Variants in EBF3 observed in about 807,000 individuals in gnomAD.
The protein encoded by EBF3 is transcription factor COE3.
EBF3 carries 18 observed loss-of-function variants against 77.1 expected under a neutral mutation model. The ratio of observed to expected loss-of-function variants is 0.23; its 90% CI spans 0.16 to 0.35. The LOEUF (loss-of-function observed/expected upper bound fraction) is 0.35, where lower values mean the gene tolerates loss of function less well. Ranked by LOEUF, EBF3 falls within the 10% of genes least tolerant of loss-of-function variation. The pLI is 1.00. For synonymous variants in EBF3, 350 were observed against 343.5 expected (o/e 1.02, Z -0.21); for missense variants, 558 against 860.0 (o/e 0.65, Z 4.39).
rs187026865 is a variant in EBF3 at position 129,861,591 on chromosome 10, A to G, written c.1039+5550T>C. Among the ~76,000 whole-genome samples the G allele has an allele frequency of 2.8e-3, 433 of 152,142 alleles. 2 individuals carry two copies. Among genetic ancestry groups the G allele is most frequent in the African/African-American group, 9.9e-3 (413 of 41,520 alleles). ...ATGGGGGGGACACAGACATCCTTGG[A>G]CACCATTGACTGGTAGGTTTGAAGC... is the stretch of plus-strand genomic sequence containing the variant. On this transcript the variant is annotated intron_variant, in intron 10 of 16. Coordinates refer to ENST00000440978, the MANE Select transcript of EBF3 (RefSeq NM_001375380.1). This position sits in a 1 kb window ranked among gnomAD's most constrained non-coding sequence, Gnocchi z 4.3.
At chr10:129,911,542 G>A (rs1019570565) in intron 6 of EBF3, among the ~76,000 whole-genome samples, 1 of 152,102 alleles carries the variant, frequency 6.6e-6, no homozygotes, top group Non-Finnish European at 1.5e-5. Flanking sequence ...GCTTGGAATA[G>A]TGTCCAAAAG....
chr10:129,920,464 C>T (rs114692678), intron 6 of EBF3, among the ~76,000 whole-genome samples: 2,729 of 152,300 alleles, frequency 0.018, 86 homozygotes, highest in African/African-American at 0.063. Flanking sequence ...AGGGCGGGGG[C>T]GGCACAGCAT....
At chr10:129,951,615 C>G (rs1858686906) in intron 6 of EBF3, among the ~76,000 whole-genome samples, 1 of 152,236 alleles carries the variant, frequency 6.6e-6, no homozygotes, top group South Asian at 2.1e-4. Context: ...GAGTCTTTAC[C>G]CAGCTCAGGC....
chr10:129,904,049 G>C (rs1854968528), intron 6 of EBF3, among the ~76,000 whole-genome samples: 2 of 152,164 alleles, frequency 1.3e-5, no homozygotes, highest in Admixed American at 6.5e-5. Flanking sequence ...CCTTCAGCTG[G>C]TTCAGGATAA....
At chr10:129,875,283 G>A (rs1208876209) in intron 7 of EBF3, among the ~76,000 whole-genome samples, 1 of 131,146 alleles carries the variant, frequency 7.6e-6, no homozygotes, top group Non-Finnish European at 1.5e-5. Flanking sequence ...CCCAACCTCC[G>A]CCTCCTGGGT....
chr10:129,918,619 G>T (rs533499853), intron 6 of EBF3, among the ~76,000 whole-genome samples: 104 of 152,288 alleles, frequency 6.8e-4, no homozygotes, highest in South Asian at 4.4e-3. Context: ...GTTGTTTAAC[G>T]ATGATCAGGG....
intron 10 of EBF3, among the ~76,000 whole-genome samples, chr10:129,850,530 T>G (rs958054035): frequency 6.6e-6 from 1 of 152,196 alleles, no homozygotes; most frequent in African/African-American, 2.4e-5. Flanking sequence ...GAGGCGTAAT[T>G]GTGCACTGTG....
intron 6 of EBF3, among the ~76,000 whole-genome samples, chr10:129,953,085 C>T (rs1284052344): frequency 6.8e-6 from 1 of 147,074 alleles, no homozygotes; most frequent in Admixed American, 6.7e-5. Flanking sequence ...AGAAGAAAGA[C>T]AGAAAAAAAA....
chr10:129,880,828 G>C (rs1356562969), intron 6 of EBF3, among the ~76,000 whole-genome samples: 2 of 152,214 alleles, frequency 1.3e-5, no homozygotes, highest in Non-Finnish European at 2.9e-5. Flanking sequence ...CTGAGTTGGG[G>C]ATTCAATTAA....
In EBF3 at chr10:129,837,836, T is replaced by A. The variant is rs918968846; in HGVS notation, c.*107A>T. On this transcript the variant is annotated 3_prime_UTR_variant, in exon 17 of 17. Transcript: ENST00000440978. ...CAATTGCTGCTGATTTTTTTGAAGA[T>A]ACTGTTTCCATCAGCATGTCTTAAT... is the stretch of plus-strand genomic sequence containing the variant. 3.4e-6 allele frequency: 5 copies of A among 1,458,982 alleles called. No individual in the cohort carries two copies. Among genetic ancestry groups the A allele is most frequent in the Non-Finnish European group, 4.8e-6 (5 of 1,051,364 alleles). 90.4% of individuals were successfully genotyped at this position (1,458,982 alleles called of 1,614,324 possible). A position where few individuals can be genotyped will look rare whatever the true frequency, so the allele number is the denominator to read the frequency against.
chr10:129,900,875 G>A (rs191800296), intron 6 of EBF3, among the ~76,000 whole-genome samples: 6 of 152,256 alleles, frequency 3.9e-5, no homozygotes, highest in African/African-American at 1.2e-4. Flanking sequence ...GTTCATGAAG[G>A]TCCCAGTGCA....
intron 6 of EBF3, among the ~76,000 whole-genome samples, chr10:129,923,889 G>A (rs1856472473): frequency 6.6e-6 from 1 of 152,184 alleles, no homozygotes; most frequent in Non-Finnish European, 1.5e-5. Context: ...TGCAAACCAA[G>A]TATCTATAAG....
At chr10:129,954,390 T>C (rs1858889066) in intron 6 of EBF3, among the ~76,000 whole-genome samples, 1 of 151,910 alleles carries the variant, frequency 6.6e-6, no homozygotes, top group Non-Finnish European at 1.5e-5. Flanking sequence ...GAAATGGTTT[T>C]GTAATGGGAA....
intron 9 of EBF3, 105 bp from the exon 10 acceptor site, chr10:129,867,372 G>A (rs551157249): frequency 2.3e-5 from 35 of 1,512,700 alleles, no homozygotes; most frequent in African/African-American, 1.1e-4. Flanking sequence ...TTGGACCATC[G>A]TCTTGGAATG....
At chr10:129,949,734 G>A (rs1858515349) in intron 6 of EBF3, among the ~76,000 whole-genome samples, 1 of 152,126 alleles carries the variant, frequency 6.6e-6, no homozygotes. Context: ...CCATCTCTGT[G>A]CAAGCTTTCT....
chr10:129,854,505 G>GAAA (rs11370096), intron 10 of EBF3, among the ~76,000 whole-genome samples: 18 of 150,320 alleles, frequency 1.2e-4, no homozygotes, highest in African/African-American at 3.6e-4. Context: ...AGCAAAAATA[G>GAAA]AAAAAAAAAA....
chr10:129,924,135 C>T (rs1856488045), intron 6 of EBF3, among the ~76,000 whole-genome samples: 1 of 152,158 alleles, frequency 6.6e-6, no homozygotes, highest in Non-Finnish European at 1.5e-5. Flanking sequence ...AGAAAACAGG[C>T]CAGGCGCAGA....
At chr10:129,928,737 C>A (rs1856828103) in intron 6 of EBF3, among the ~76,000 whole-genome samples, 1 of 152,184 alleles carries the variant, frequency 6.6e-6, no homozygotes, top group Non-Finnish European at 1.5e-5. Flanking sequence ...TCCACTAGGT[C>A]AGAGAAGGCC....
At chr10:129,887,598 G>T (rs1853698909) in intron 6 of EBF3, among the ~76,000 whole-genome samples, 1 of 152,180 alleles carries the variant, frequency 6.6e-6, no homozygotes, top group African/African-American at 2.4e-5. Flanking sequence ...TGGCAGCAAA[G>T]ATCCGTGTTT....
Sources: gnomAD v4.1 joint callset for allele counts (sites outside exome capture counted in the v4.1 genomes callset) on GRCh38, gnomAD v4.1.1 for gene constraint, Gnocchi (gnomAD v3.1) non-coding constraint, MANE v1.5 for transcripts, NCBI Gene and HGNC (gene_info 2026-07-23, HGNC 2026-07-21) for gene names.